Variants in HERC3 observed in about 807,000 individuals in gnomAD.
HERC3 encodes the protein HECT and RLD domain containing E3 ubiquitin protein ligase 3.
HERC3 carries 58 observed loss-of-function variants against 129.9 expected under a neutral mutation model. The observed-to-expected ratio is 0.45, with a 90% CI of 0.36 to 0.56. HERC3 has a LOEUF of 0.56. Among genes scored for constraint, HERC3 ranks in the 20% least tolerant of loss-of-function variants. The probability of loss-of-function intolerance (pLI) is 0.00; values close to 1 mark genes in which losing one functional copy is unlikely to be tolerated. For synonymous variants in HERC3, 430 were observed against 451.0 expected, an observed-to-expected ratio of 0.95 and a Z score of 0.59; for missense variants, 835 against 1,244.2, an observed-to-expected ratio of 0.67 and a Z score of 4.95.
chr4:88,595,942 G>C (rs892101872), intron 2 of HERC3, among the ~76,000 whole-genome samples: 3 of 144,720 alleles, frequency 2.1e-5, no homozygotes, highest in East Asian at 2.1e-4. Flanking sequence ...TCCGCCCCCC[G>C]GGGTTCATGC....
the HERC3 span, among the ~76,000 whole-genome samples, chr4:88,578,347 C>T: frequency 3.9e-5 from 6 of 152,144 alleles, no homozygotes; most frequent in East Asian, 5.8e-4. Context: ...TTTGGGAGGA[C>T]GAGGCGGGTA....
chr4:88,536,742 T>C, the HERC3 span, among the ~76,000 whole-genome samples: 4 of 146,852 alleles, frequency 2.7e-5, no homozygotes, highest in Non-Finnish European at 4.4e-5. Flanking sequence ...TTTAGCTACC[T>C]GTGAAAAGAA....
At chr4:88,689,631 G>A (rs1240679571) in intron 23 of HERC3, among the ~76,000 whole-genome samples, 1 of 149,944 alleles carries the variant, frequency 6.7e-6, no homozygotes, top group Non-Finnish European at 1.5e-5. Flanking sequence ...AGGCTGGAGT[G>A]CAGTGGTGCA....
chr4:88,693,507 C>CT (rs1734282983), intron 23 of HERC3: 1 of 973,762 alleles, frequency 1.0e-6, no homozygotes, highest in African/African-American at 1.8e-5. Flanking sequence ...ATCTATTTTA[C>CT]TGCTGTTTAC....
the HERC3 span, among the ~76,000 whole-genome samples, chr4:88,555,518 A>G: frequency 6.6e-6 from 1 of 152,136 alleles, no homozygotes; most frequent in Non-Finnish European, 1.5e-5. Context: ...CTACAAGTGA[A>G]AATTTGATTA....
Position 88,670,712 on chromosome 4 carries a change from T to A in HERC3, c.1911+460T>A, listed in dbSNP as rs184438728. 6.8e-3 allele frequency among the ~76,000 whole-genome samples: 1,035 copies of A among 152,070 alleles called. 9 individuals are homozygous for A. Among genetic ancestry groups the A allele is most frequent in the African/African-American group, 0.024 (995 of 41,490 alleles). On this transcript the variant is annotated intron_variant, in intron 16 of 25. Transcript: ENST00000402738. ...TAAGATGGTACATGTTATGTTAGGT[T>A]TTTTTTTAAACCATAATTAAAAAAA...
intron 12 of HERC3, among the ~76,000 whole-genome samples, chr4:88,664,559 G>T (rs1730843937): frequency 6.6e-6 from 1 of 152,148 alleles, no homozygotes; most frequent in Non-Finnish European, 1.5e-5. Flanking sequence ...TTCAGGAAGA[G>T]CAATGCTGAT....
chr4:88,534,338 G>T, the HERC3 span, among the ~76,000 whole-genome samples: 1 of 152,220 alleles, frequency 6.6e-6, no homozygotes, highest in African/African-American at 2.4e-5. Context: ...ATGCCACCAA[G>T]CATCTTACCA....
chr4:88,566,103 T>C, the HERC3 span, among the ~76,000 whole-genome samples: 1 of 152,192 alleles, frequency 6.6e-6, no homozygotes, highest in African/African-American at 2.4e-5. Context: ...CATTTTTATT[T>C]TTCCTGATCC....
chr4:88,666,100 C>T (rs1731020394), intron 12 of HERC3, among the ~76,000 whole-genome samples: 1 of 152,144 alleles, frequency 6.6e-6, no homozygotes, highest in Admixed American at 6.6e-5. Flanking sequence ...GTTGAGAAAC[C>T]CCGTTCTAGA....
At chr4:88,653,910 C>A in intron 6 of HERC3, 132 bp from the exon 7 acceptor site, 1 of 653,580 alleles carries the variant, frequency 1.5e-6, no homozygotes, top group South Asian at 1.8e-5. Flanking sequence ...GTTGGATATC[C>A]AAGTACAGAT....
At chr4:88,532,172 A>ACTATATAGATAT in the HERC3 span, among the ~76,000 whole-genome samples, 14 of 152,320 alleles carry the variant, frequency 9.2e-5, no homozygotes, top group Middle Eastern at 6.8e-3. Context: ...GGCCTGAAAC[A>ACTATATAGATAT]CTATATAGAT....
At chr4:88,531,967 T>C in the HERC3 span, among the ~76,000 whole-genome samples, 1 of 152,186 alleles carries the variant, frequency 6.6e-6, no homozygotes, top group Admixed American at 6.5e-5. Context: ...AGCCCCCTGT[T>C]TCTGCTTTTC....
At chr4:88,693,805 C>A in intron 23 of HERC3, 3 of 445,302 alleles carry the variant, frequency 6.7e-6, no homozygotes, top group Non-Finnish European at 8.9e-6. Flanking sequence ...GTGTGTATTG[C>A]ATGCTTCCTT....
intron 3 of HERC3, among the ~76,000 whole-genome samples, chr4:88,619,449 T>C (rs1450245975): frequency 1.3e-5 from 2 of 152,124 alleles, no homozygotes; most frequent in East Asian, 1.9e-4. Context: ...AGAACTAGAC[T>C]CCCTACCTCT....
At chr4:88,555,882 G>A in the HERC3 span, among the ~76,000 whole-genome samples, 1 of 152,188 alleles carries the variant, frequency 6.6e-6, no homozygotes, top group African/African-American at 2.4e-5. Flanking sequence ...AAGCTCCAGT[G>A]AGAAGCTAGT....
At chr4:88,690,480 G>C (rs1158883047) in intron 23 of HERC3, 2 of 985,284 alleles carry the variant, frequency 2.0e-6, no homozygotes, top group Non-Finnish European at 2.4e-6. Flanking sequence ...AAGATAATGT[G>C]TGCATCATTT....
intron 3 of HERC3, among the ~76,000 whole-genome samples, chr4:88,631,252 C>T (rs1008070063): frequency 1.5e-4 from 23 of 151,944 alleles, no homozygotes; most frequent in Middle Eastern, 3.2e-3. Context: ...GTCAGGAGTT[C>T]GAGACCAGCC....
chr4:88,609,917 G>A (rs190710960), intron 3 of HERC3, among the ~76,000 whole-genome samples: 3 of 152,282 alleles, frequency 2.0e-5, no homozygotes, highest in African/African-American at 7.2e-5. Flanking sequence ...TGCTAAACAA[G>A]GTGTGGATTA....
Sources: gnomAD v4.1 joint callset for allele counts (sites outside exome capture counted in the v4.1 genomes callset) on GRCh38, gnomAD v4.1.1 for gene constraint, MANE v1.5 for transcripts, NCBI Gene and HGNC (gene_info 2026-07-23, HGNC 2026-07-21) for gene names.